KANK1: variants seen among roughly 807,000 people sequenced by gnomAD.
KANK1 encodes the protein KN motif and ankyrin repeat domains 1.
In KANK1, 109 loss-of-function variants were observed where a neutral mutation model predicts 106.2. The observed-to-expected ratio is 1.03, with a 90% CI of 0.88 to 1.20. The LOEUF (loss-of-function observed/expected upper bound fraction) is 1.20, where lower values mean the gene tolerates loss of function less well. KANK1 is among the 50% of genes most tolerant of loss of function. KANK1 has a pLI of 0.00. For synonymous variants in KANK1, 873 were observed against 652.2 expected, an observed-to-expected ratio of 1.34 and a Z score of -5.16; for missense variants, 2,399 against 1,710.7, an observed-to-expected ratio of 1.40 and a Z score of -7.10.
At chr9:517,408 C>G (rs766982455) in intron 1 of KANK1, among the ~76,000 whole-genome samples, 11 of 151,688 alleles carry the variant, frequency 7.3e-5, no homozygotes, top group Non-Finnish European at 1.5e-4. Context: ...CGGCTGCAAG[C>G]TGTGTTTTGT....
At chr9:704,936 T>G (rs1232955723) in intron 2 of KANK1, among the ~76,000 whole-genome samples, 5 of 133,540 alleles carry the variant, frequency 3.7e-5, no homozygotes, top group Non-Finnish European at 6.1e-5. Flanking sequence ...GAGACTATAG[T>G]GAGCCATGAT....
chr9:642,290 A>G (rs1264324977), intron 1 of KANK1, among the ~76,000 whole-genome samples: 1 of 150,836 alleles, frequency 6.6e-6, no homozygotes, highest in East Asian at 1.9e-4. Flanking sequence ...AAGTTACCCC[A>G]TTTGTGTTTT....
intron 1 of KANK1, among the ~76,000 whole-genome samples, chr9:675,712 C>G (rs916906129): frequency 6.6e-6 from 1 of 152,048 alleles, no homozygotes; most frequent in African/African-American, 2.4e-5. Flanking sequence ...TCTTGGATCT[C>G]TCACAAGAAG....
intron 1 of KANK1, among the ~76,000 whole-genome samples, chr9:578,708 G>A (rs527336103): frequency 6.6e-6 from 1 of 152,136 alleles, no homozygotes; most frequent in Admixed American, 6.5e-5. Context: ...TACTAAGTTG[G>A]ACTCTTCTTT....
At chr9:617,294 T>C (rs1015749508) in intron 1 of KANK1, among the ~76,000 whole-genome samples, 1 of 152,190 alleles carries the variant, frequency 6.6e-6, no homozygotes, top group African/African-American at 2.4e-5. Flanking sequence ...TAACATTTAT[T>C]TTTCAAAACC....
intron 2 of KANK1, chr9:471,338 A>G (rs925256567): frequency 2.0e-5 from 3 of 152,518 alleles, no homozygotes; most frequent in Non-Finnish European, 4.4e-5. Flanking sequence ...TAAGGACACT[A>G]GACTGAGGGC....
chr9:535,598 G>A (rs914065982), intron 1 of KANK1, among the ~76,000 whole-genome samples: 6 of 152,190 alleles, frequency 3.9e-5, no homozygotes, highest in African/African-American at 1.4e-4. Context: ...CTCAGCGTGA[G>A]ATGAAACAGA....
At chr9:630,684 C>G (rs1835489927) in intron 1 of KANK1, among the ~76,000 whole-genome samples, 1 of 151,922 alleles carries the variant, frequency 6.6e-6, no homozygotes, top group Non-Finnish European at 1.5e-5. Context: ...GTCAGATCAC[C>G]TGAGGTCAGG....
chr9:616,317 G>A (rs1037939082), intron 1 of KANK1, among the ~76,000 whole-genome samples: 7 of 152,110 alleles, frequency 4.6e-5, no homozygotes, highest in African/African-American at 1.7e-4. Context: ...GTATCAACTC[G>A]TGTCTGAAGC....
intron 1 of KANK1, among the ~76,000 whole-genome samples, chr9:527,188 C>G (rs932891287): frequency 1.3e-5 from 2 of 151,810 alleles, no homozygotes; most frequent in African/African-American, 2.4e-5. Flanking sequence ...GGCGTCCCTT[C>G]TGAAGTTTCC....
At chr9:641,921 T>G (rs1325717489) in intron 1 of KANK1, among the ~76,000 whole-genome samples, 1 of 152,102 alleles carries the variant, frequency 6.6e-6, no homozygotes, top group African/African-American at 2.4e-5. Flanking sequence ...ATAAACAACA[T>G]TAGAACATTT....
At chr9:729,078 G>T (rs757372191) in intron 3 of KANK1, among the ~76,000 whole-genome samples, 2 of 152,124 alleles carry the variant, frequency 1.3e-5, no homozygotes, top group Non-Finnish European at 2.9e-5. Flanking sequence ...TTTTTACAGA[G>T]TTTGACTCTT....
At chr9:690,530 C>T (rs987570851) in intron 2 of KANK1, among the ~76,000 whole-genome samples, 1 of 151,676 alleles carries the variant, frequency 6.6e-6, no homozygotes, top group African/African-American at 2.4e-5. Flanking sequence ...AAGGCACCTG[C>T]AGCAGTGGAG....
intron 2 of KANK1, among the ~76,000 whole-genome samples, chr9:682,927 A>G (rs1220525190): frequency 6.6e-6 from 1 of 152,086 alleles, no homozygotes; most frequent in Non-Finnish European, 1.5e-5. Flanking sequence ...TTGTGTAAAT[A>G]TTTTTCTGGG....
At chr9:611,514 C>T (rs1758488149) in intron 1 of KANK1, among the ~76,000 whole-genome samples, 2 of 152,166 alleles carry the variant, frequency 1.3e-5, no homozygotes, top group Non-Finnish European at 2.9e-5. Context: ...GAAGCTGAAT[C>T]CAAACAAGCC....
intron 1 of KANK1, among the ~76,000 whole-genome samples, chr9:528,982 A>G (rs1391648235): frequency 2.0e-5 from 3 of 151,952 alleles, no homozygotes; most frequent in African/African-American, 7.3e-5. Context: ...TATTTGTTGT[A>G]GAGATAGGGT....
intron 1 of KANK1, among the ~76,000 whole-genome samples, chr9:509,058 A>G (rs542297939): frequency 1.3e-5 from 2 of 152,300 alleles, no homozygotes; most frequent in South Asian, 2.1e-4. Context: ...TTGGAAGAGC[A>G]GTAGATCTGC....
chr9:547,948 T>C (rs1263146026), intron 1 of KANK1, among the ~76,000 whole-genome samples: 1 of 152,234 alleles, frequency 6.6e-6, no homozygotes, highest in Non-Finnish European at 1.5e-5. Flanking sequence ...TCTGACTTTT[T>C]TTTATGTTTT....
intron 1 of KANK1, among the ~76,000 whole-genome samples, chr9:576,639 AT>A (rs1282018417): frequency 1.3e-5 from 2 of 152,074 alleles, no homozygotes; most frequent in Non-Finnish European, 2.9e-5. Flanking sequence ...GGGACTGTAC[AT>A]TTCCTCATGG....
Sources: allele counts gnomAD v4.1 joint callset (sites outside exome capture counted in the v4.1 genomes callset), GRCh38; gene constraint gnomAD v4.1.1; transcripts MANE v1.5; gene names NCBI Gene and HGNC (gene_info 2026-07-23, HGNC 2026-07-21).